TRPC4AP: variants seen among roughly 807,000 people sequenced by gnomAD.
TRPC4AP encodes short transient receptor potential channel 4-associated protein.
TRPC4AP carries 45 observed loss-of-function variants against 99.0 expected under a neutral mutation model. That is an observed-to-expected ratio of 0.45 (90% CI 0.36 to 0.58). The LOEUF (loss-of-function observed/expected upper bound fraction) is 0.58, where lower values mean the gene tolerates loss of function less well. Ranked by LOEUF, TRPC4AP falls within the 20% of genes least tolerant of loss-of-function variation. The probability of loss-of-function intolerance (pLI) is 0.00; values close to 1 mark genes in which losing one functional copy is unlikely to be tolerated. For synonymous variants in TRPC4AP, 408 were observed against 385.8 expected (o/e 1.06, Z -0.67); for missense variants, 879 against 985.3 (o/e 0.89, Z 1.44).
intron 3 of TRPC4AP, among the ~76,000 whole-genome samples, chr20:35,062,037 G>C (rs2084020954): frequency 6.6e-6 from 1 of 152,086 alleles, no homozygotes; most frequent in Admixed American, 6.6e-5. Context: ...TTCTCCAAAA[G>C]TCCAATAATA....
chr20:35,062,917 G>A (rs1353735331), intron 3 of TRPC4AP, among the ~76,000 whole-genome samples: 1 of 152,198 alleles, frequency 6.6e-6, no homozygotes, highest in Non-Finnish European at 1.5e-5. Flanking sequence ...AGTTATAGAA[G>A]CTAGACATAA....
At chr20:35,061,966 T>C (rs2084019895) in intron 3 of TRPC4AP, among the ~76,000 whole-genome samples, 1 of 152,030 alleles carries the variant, frequency 6.6e-6, no homozygotes, top group Non-Finnish European at 1.5e-5. Context: ...CAGAAACTAA[T>C]ACAACTCAAT....
chr20:35,029,411 A>T (rs984945062), intron 8 of TRPC4AP, among the ~76,000 whole-genome samples: 5 of 152,140 alleles, frequency 3.3e-5, no homozygotes, highest in Non-Finnish European at 7.4e-5. Flanking sequence ...CCAATATAAC[A>T]ATCTGTCTTT....
chr20:35,044,678 C>T lies in TRPC4AP; in HGVS notation c.692G>A (p.Ser231Asn). ...MIRLDEVPNL[S>N]SLVSNFDQQQ... is the part of the protein sequence containing the mutation. ...CTGATCGAAATTGGATACTAAGGAA[C>T]TCAGATTGGGGACTTCATCTAGTCG... The change falls in exon 7 of 19, where the codon AGT becomes AAT. Residue 231 changes from serine (S) to asparagine (N), a missense_variant. By Grantham distance (46) the Ser-to-Asn change is conservative. This residue lies in a region of TRPC4AP where 603 missense variants were observed against 631.8 expected (regional missense o/e 0.95). Coordinates refer to ENST00000252015, the MANE Select transcript of TRPC4AP (RefSeq NM_015638.3). 1 of 1,614,210 alleles carries T rather than the reference C, an allele frequency of 6.2e-7. No homozygotes were observed. The highest frequency in any genetic ancestry group is 8.5e-7 in the Non-Finnish European group (1 of 1,180,042).
At chr20:35,008,809 G>T in intron 12 of TRPC4AP, 62 bp from the exon 13 acceptor site, 1 of 1,477,472 alleles carries the variant, frequency 6.8e-7, no homozygotes, top group Non-Finnish European at 9.4e-7. Flanking sequence ...CTGGGGATGG[G>T]TCATTCTGCT....
At chr20:35,032,646 G>A (rs1393063712) in intron 8 of TRPC4AP, among the ~76,000 whole-genome samples, 2 of 151,050 alleles carry the variant, frequency 1.3e-5, no homozygotes, top group Non-Finnish European at 3.0e-5. Flanking sequence ...CTAATTTTTT[G>A]TATTTTTAGT....
chr20:35,007,613 A>C lies in TRPC4AP; in HGVS notation c.1623T>G (p.Ser541Arg). 6.2e-7 allele frequency: 1 copy of C among 1,613,886 alleles called. No individual in the cohort carries two copies. The highest frequency in any genetic ancestry group is 8.5e-7 in the Non-Finnish European group (1 of 1,179,958). ...FRFWQARAVE[S>R]FLRGTTSYAD... ...CATAGGAGGTGGTCCCTCGGAGGAA[A>C]CTCTCCACAGCCCGAGCTTGCCAAA... The change falls in exon 14 of 19, where the codon AGT (serine) becomes AGG (arginine). Residue 541 changes from serine to arginine, a missense_variant. Physicochemically the swap from Ser to Arg is moderately radical, Grantham distance 110 (BLOSUM62 -1). Coordinates refer to ENST00000252015, the MANE Select transcript of TRPC4AP (RefSeq NM_015638.3).
intron 1 of TRPC4AP, among the ~76,000 whole-genome samples, chr20:35,087,356 C>T (rs1365370692): frequency 6.8e-6 from 1 of 146,450 alleles, no homozygotes; most frequent in Non-Finnish European, 1.5e-5. Context: ...AAAAAAAAGT[C>T]AGTGAATCTA....
chr20:35,092,696 C>G lies in TRPC4AP; in HGVS notation c.86G>C (p.Gly29Ala). 1.3e-6 allele frequency: 2 copies of G among 1,544,790 alleles called. No individual in the cohort carries two copies. The highest frequency in any genetic ancestry group is 1.7e-6 in the Non-Finnish European group (2 of 1,156,274). The change falls in exon 1 of 19, where the codon GGC becomes GCC. Residue 29 changes from glycine (G) to alanine (A), a missense_variant. By Grantham distance (60) the Gly-to-Ala change is moderately conservative. Coordinates refer to ENST00000252015, the MANE Select transcript of TRPC4AP (RefSeq NM_015638.3). ...AATVAAWGGW[G>A]GRPRPGNILL... ...AATGTTACCAGGCCGCGGCCGGCCG[C>G]CCCATCCGCCCCAAGCCGCCACTGT... is the stretch of plus-strand genomic sequence containing the variant.
At chr20:35,004,709 T>C in intron 16 of TRPC4AP, 139 bp from the exon 17 acceptor site, 4 of 687,232 alleles carry the variant, frequency 5.8e-6, no homozygotes, top group Non-Finnish European at 1.0e-5. Flanking sequence ...GAAAGCTGAC[T>C]GTGGCAGAAA....
At chr20:35,086,944 A>G (rs899017454) in intron 1 of TRPC4AP, among the ~76,000 whole-genome samples, 7 of 151,904 alleles carry the variant, frequency 4.6e-5, no homozygotes, top group Non-Finnish European at 8.8e-5. Flanking sequence ...GAGGCAGGGG[A>G]ATCGCTTGAA....
chr20:35,042,950 TTA>T (rs1160182603), intron 7 of TRPC4AP, among the ~76,000 whole-genome samples: 3 of 152,200 alleles, frequency 2.0e-5, no homozygotes, highest in African/African-American at 7.2e-5. Context: ...AATAACCACT[TTA>T]TGTTTCTTGT....
chr20:35,061,696 TAAAC>T (rs934339404), intron 3 of TRPC4AP, among the ~76,000 whole-genome samples: 3 of 152,280 alleles, frequency 2.0e-5, no homozygotes, highest in African/African-American at 7.2e-5. Context: ...CCTCACATGA[TAAAC>T]AAAGTCAATG....
chr20:35,086,485 GTATATA>G (rs151331360), intron 1 of TRPC4AP, among the ~76,000 whole-genome samples: 4 of 125,080 alleles, frequency 3.2e-5, no homozygotes, highest in African/African-American at 1.1e-4. Flanking sequence ...GTATGTGTGT[GTATATA>G]TATATGTGTA....
chr20:35,088,016 T>C (rs904806620), intron 1 of TRPC4AP, among the ~76,000 whole-genome samples: 3 of 152,138 alleles, frequency 2.0e-5, no homozygotes, highest in Admixed American at 6.5e-5. Context: ...TAGAAGGCAA[T>C]TGGATATACC....
chr20:35,054,914 A>G, intron 5 of TRPC4AP, 62 bp downstream of exon 5: 1 of 1,403,122 alleles, frequency 7.1e-7, no homozygotes, highest in Non-Finnish European at 1.0e-6. Flanking sequence ...GAATATTCCC[A>G]TCTTAAACAT....
intron 7 of TRPC4AP, among the ~76,000 whole-genome samples, chr20:35,042,403 G>A (rs1432635310): frequency 6.6e-6 from 1 of 152,210 alleles, no homozygotes; most frequent in East Asian, 1.9e-4. Context: ...TTCAGCCTCA[G>A]GAGAGGAGGC....
chr20:35,052,086 G>C (rs964652715), intron 5 of TRPC4AP, among the ~76,000 whole-genome samples: 5 of 149,924 alleles, frequency 3.3e-5, no homozygotes, highest in African/African-American at 1.2e-4. Context: ...ATTCATCATA[G>C]GTTTTTTTTT....
At position 35,021,278 on chromosome 20, in the gene TRPC4AP, T is replaced by C; in HGVS notation, c.1130A>G (p.Gln377Arg). ...PHTSARTQLP[Q>R]SMKIMHEIMY... Reference sequence around the variant, plus strand: ...GATCTCATGCATAATCTTCATTGACTGGGGCAGCTGGGTTCTGGCTGACGT... The same window carrying C: ...GATCTCATGCATAATCTTCATTGACCGGGGCAGCTGGGTTCTGGCTGACGT... The change falls in exon 9 of 19, where the codon CAG (glutamine) becomes CGG (arginine). Residue 377 changes from glutamine to arginine, a missense_variant. Coordinates refer to ENST00000252015, the MANE Select transcript of TRPC4AP (RefSeq NM_015638.3). The C allele has an allele frequency of 6.2e-7, 1 of 1,614,168 alleles. No homozygotes were observed. The highest frequency in any genetic ancestry group is 8.5e-7 in the Non-Finnish European group (1 of 1,180,026).
Sources: allele counts gnomAD v4.1 joint callset (sites outside exome capture counted in the v4.1 genomes callset), GRCh38; gene constraint gnomAD v4.1.1; regional missense constraint gnomAD v4.1.1; transcripts MANE v1.5; gene names NCBI Gene and HGNC (gene_info 2026-07-23, HGNC 2026-07-21).